The following SLC35A3 variants were observed in gnomAD, a reference collection of about 807,000 sequenced individuals.
SLC35A3 encodes solute carrier family 35 member A3.
In SLC35A3, 26 loss-of-function variants were observed where a neutral mutation model predicts 39.0. The observed-to-expected ratio is 0.67, with a 90% confidence interval of 0.49 to 0.92. SLC35A3 has a LOEUF of 0.92. Among genes scored for constraint, SLC35A3 ranks in the 40% least tolerant of loss-of-function variants. The probability of loss-of-function intolerance (pLI) is 0.00; values close to 1 mark genes in which losing one functional copy is unlikely to be tolerated. For synonymous variants in SLC35A3, 135 were observed against 133.1 expected (o/e 1.01, Z -0.10); for missense variants, 299 against 371.6 (o/e 0.80, Z 1.61).
chr1:100,004,502 T>A (rs1182259947), intron 3 of SLC35A3, among the ~76,000 whole-genome samples: 2 of 151,996 alleles, frequency 1.3e-5, no homozygotes, highest in Non-Finnish European at 2.9e-5. Context: ...GGTTTCGTCA[T>A]GTTTCCCAGG....
rs1016633462 is a variant in SLC35A3, at chr1:100,031,605, G to A, written c.*9129G>A. 1 of 152,046 alleles carries A rather than the reference G, an allele frequency of 6.6e-6. No individual in the cohort carries two copies. The highest frequency in any genetic ancestry group is 1.5e-5 in the Non-Finnish European group (1 of 68,016). The allele number at this position is 152,046 out of a possible 1,614,324, so 9.4% of individuals were successfully genotyped here. ...TATAAGAAAAGTCAGCCCTCCCTAT[G>A]GGTGGGTTTCACATCCTGCAAATAA... is the stretch of plus-strand genomic sequence containing the variant. On this transcript the variant is annotated 3_prime_UTR_variant, in exon 8 of 8. Transcript: ENST00000533028.
intron 1 of SLC35A3, among the ~76,000 whole-genome samples, chr1:99,981,158 T>C (rs921530247): frequency 6.6e-6 from 1 of 152,206 alleles, no homozygotes; most frequent in Non-Finnish European, 1.5e-5. Context: ...TATACTTTTT[T>C]CTGTTGATTT....
intron 3 of SLC35A3, among the ~76,000 whole-genome samples, chr1:100,002,469 T>C (rs1238010691): frequency 1.3e-5 from 2 of 152,218 alleles, no homozygotes; most frequent in Non-Finnish European, 2.9e-5. Context: ...TTTATGATTT[T>C]ATTTGGGTCT....
intron 3 of SLC35A3, among the ~76,000 whole-genome samples, chr1:100,003,356 C>A (rs996311767): frequency 1.4e-5 from 2 of 146,640 alleles, no homozygotes; most frequent in African/African-American, 2.6e-5. Context: ...GCGGAGGTTG[C>A]CGTGAGCTGA....
chr1:100,003,921 CATAAGTATAGCT>C (rs1659010883), intron 3 of SLC35A3, among the ~76,000 whole-genome samples: 1 of 152,146 alleles, frequency 6.6e-6, no homozygotes, highest in Non-Finnish European at 1.5e-5. Flanking sequence ...GTCTATTTTA[CATAAGTATAGCT>C]ATTTCTGCTC....
intron 1 of SLC35A3, among the ~76,000 whole-genome samples, chr1:99,986,863 C>T (rs1657770144): frequency 6.6e-6 from 1 of 152,212 alleles, no homozygotes; most frequent in Non-Finnish European, 1.5e-5. Context: ...GCTGGGTTTA[C>T]AAGCCTGAGC....
intron 1 of SLC35A3, among the ~76,000 whole-genome samples, chr1:99,983,217 A>G (rs1443985141): frequency 6.6e-6 from 1 of 151,886 alleles, no homozygotes; most frequent in Non-Finnish European, 1.5e-5. Context: ...AGGGGAGTGG[A>G]ATGAAGAGAA....
intron 1 of SLC35A3, among the ~76,000 whole-genome samples, chr1:99,982,305 T>C (rs1192047732): frequency 2.6e-5 from 4 of 152,120 alleles, no homozygotes; most frequent in Non-Finnish European, 5.9e-5. Context: ...CCGGCCTGTA[T>C]TCTATTTTTG....
Position 100,007,043 on chromosome 1 carries a change from C to G in SLC35A3, c.352C>G (p.Gln118Glu). The change falls in exon 4 of 8, where the codon CAG (glutamine) becomes GAG (glutamate). Residue 118 changes from glutamine to glutamate, a missense_variant. Physicochemically the swap from Gln to Glu is conservative, Grantham distance 29. Coordinates refer to ENST00000533028, the MANE Select transcript of SLC35A3 (RefSeq NM_012243.3). ...CTGTTTTCTTTTTCAGGTCACGTAT[C>G]AGTTAAAAATTCTTACAACAGCATT... ...LDAATYQVTYQLKILTTALFS... is the reference protein window; with the variant it reads ...LDAATYQVTYELKILTTALFS... 6.2e-7 allele frequency: 1 copy of G among 1,605,270 alleles called. No homozygotes were observed. The highest frequency in any genetic ancestry group is 1.3e-5 in the African/African-American group (1 of 74,446).
intron 1 of SLC35A3, among the ~76,000 whole-genome samples, chr1:99,976,039 G>A (rs937457993): frequency 5.3e-5 from 8 of 152,068 alleles, no homozygotes; most frequent in African/African-American, 1.9e-4. Context: ...CAGCCTGGGT[G>A]ACAGAGTCAG....
intron 1 of SLC35A3, chr1:99,970,715 C>T: frequency 9.8e-7 from 1 of 1,016,220 alleles, no homozygotes; most frequent in Non-Finnish European, 1.5e-6. Context: ...TGTGTGGGTG[C>T]ATTGCTTTAT....
rs1661298562 is a variant in SLC35A3, at chr1:100,032,550, C to G, written c.*10074C>G. 1 of 152,110 alleles carries G rather than the reference C, an allele frequency of 6.6e-6. No individual in the cohort carries two copies. Among genetic ancestry groups the G allele is most frequent in the Non-Finnish European group, 1.5e-5 (1 of 68,074 alleles). 9.4% of individuals were successfully genotyped at this position (152,110 alleles called of 1,614,324 possible). A position where few individuals can be genotyped will look rare whatever the true frequency, so the allele number is the denominator to read the frequency against. Reference sequence around the variant, plus strand: ...CCATGTAAGTCACAGCAAGCTAGCTCTTGGGTTTTTTTTGAGATGGAGTTT... The same window carrying G: ...CCATGTAAGTCACAGCAAGCTAGCTGTTGGGTTTTTTTTGAGATGGAGTTT... On this transcript the variant is annotated 3_prime_UTR_variant, in exon 8 of 8. Coordinates refer to ENST00000533028, the MANE Select transcript of SLC35A3 (RefSeq NM_012243.3).
At position 99,979,264 on chromosome 1, in the gene SLC35A3, C is replaced by T. The variant is rs147733295; in HGVS notation, c.-19+9102C>T. On this transcript the variant is annotated intron_variant, in intron 1 of 7. Coordinates refer to ENST00000533028, the MANE Select transcript of SLC35A3 (RefSeq NM_012243.3). The stretch of plus-strand genomic sequence containing the variant: ...CAAGGCCTCACTCCATCTGGTTGCT[C>T]TGGGAGAGCATCCATTCCTTTCCTC... 3.8e-3 allele frequency among the ~76,000 whole-genome samples: 571 copies of T among 152,252 alleles called. 3 individuals carry two copies. Among genetic ancestry groups the T allele is most frequent in the African/African-American group, 0.013 (527 of 41,560 alleles).
Position 100,011,380 on chromosome 1 carries a change from C to A in SLC35A3, c.481C>A (p.Gln161Lys). Reference sequence around the variant, plus strand: ...TCTTATTTAGTGGCCCTCAGATTCTCAGCTTGATTCTAAGGAACTTTCAGC... The same window carrying A: ...TCTTATTTAGTGGCCCTCAGATTCTAAGCTTGATTCTAAGGAACTTTCAGC... ...VAFVQWPSDS[Q>K]LDSKELSAGS... is the part of the protein sequence containing the mutation. Residue 161 changes from glutamine (Q) to lysine (K), a missense_variant, in exon 5 of 8, where the codon CAG (glutamine) becomes AAG (lysine). Physicochemically the swap from Gln to Lys is moderately conservative, Grantham distance 53 (BLOSUM62 1). Coordinates refer to ENST00000533028, the MANE Select transcript of SLC35A3 (RefSeq NM_012243.3). 1 of 1,526,992 alleles carries A rather than the reference C, an allele frequency of 6.5e-7. No individual in the cohort carries two copies. The allele number at this position is 1,526,992 out of a possible 1,614,324, so 94.6% of individuals were successfully genotyped here.
At chr1:99,985,826 G>A (rs1657712513) in intron 1 of SLC35A3, among the ~76,000 whole-genome samples, 1 of 152,022 alleles carries the variant, frequency 6.6e-6, no homozygotes, top group Non-Finnish European at 1.5e-5. Flanking sequence ...TTATTGTTTT[G>A]CAGCTATTGT....
chr1:100,024,941 T>C lies in SLC35A3; in HGVS notation c.*2465T>C. 1 of 330,526 alleles carries C rather than the reference T, an allele frequency of 3.0e-6. No homozygotes were observed. Among genetic ancestry groups the C allele is most frequent in the East Asian group, 4.6e-5 (1 of 21,638 alleles). The allele number at this position is 330,526 out of a possible 1,614,324, so 20.5% of individuals were successfully genotyped here. A position where few individuals can be genotyped will look rare whatever the true frequency, so the allele number is the denominator to read the frequency against. ...CCTTGCCTAACGTGAACTGGCAGTGTTACCTTGCTTTTGCAGTAATAGTCT... is the reference window on the plus strand; with the variant it reads ...CCTTGCCTAACGTGAACTGGCAGTGCTACCTTGCTTTTGCAGTAATAGTCT... On this transcript the variant is annotated 3_prime_UTR_variant, in exon 8 of 8. Coordinates refer to ENST00000533028, the MANE Select transcript of SLC35A3 (RefSeq NM_012243.3).
intron 5 of SLC35A3, among the ~76,000 whole-genome samples, chr1:100,014,263 C>T (rs775269783): frequency 1.3e-5 from 2 of 152,124 alleles, no homozygotes; most frequent in African/African-American, 4.8e-5. Flanking sequence ...CTGTTTTGCT[C>T]AGACTGGAAT....
At chr1:99,974,724 T>C (rs1314924490) in intron 1 of SLC35A3, among the ~76,000 whole-genome samples, 1 of 152,200 alleles carries the variant, frequency 6.6e-6, no homozygotes, top group Non-Finnish European at 1.5e-5. Context: ...AGACAAGCCA[T>C]ACACTTAATA....
At chr1:100,018,781 A>G (rs992115818) in intron 7 of SLC35A3, among the ~76,000 whole-genome samples, 1 of 152,102 alleles carries the variant, frequency 6.6e-6, no homozygotes, top group East Asian at 1.9e-4. Flanking sequence ...CGCTGAACTC[A>G]TTTGTGTTTT....
Sources: allele counts gnomAD v4.1 joint callset (sites outside exome capture counted in the v4.1 genomes callset), GRCh38; gene constraint gnomAD v4.1.1; transcripts MANE v1.5; gene names NCBI Gene and HGNC (gene_info 2026-07-23, HGNC 2026-07-21).